Variants in ZNF704 observed in about 807,000 individuals in gnomAD.
ZNF704 encodes zinc finger protein 704.
Under a neutral mutation model 44.7 loss-of-function variants are expected in ZNF704, and 10 were observed. That is an observed-to-expected ratio of 0.22 (90% CI 0.14 to 0.38). The LOEUF is 0.38. Ranked by LOEUF, ZNF704 falls within the 10% of genes least tolerant of loss-of-function variation. ZNF704 has a pLI of 1.00. For synonymous variants in ZNF704, 211 were observed against 207.6 expected, an observed-to-expected ratio of 1.02 and a Z score of -0.14; for missense variants, 390 against 545.5, an observed-to-expected ratio of 0.71 and a Z score of 2.84.
intron 2 of ZNF704, among the ~76,000 whole-genome samples, chr8:80,808,872 T>C (rs1031370026): frequency 6.6e-6 from 1 of 152,224 alleles, no homozygotes; most frequent in Non-Finnish European, 1.5e-5. Flanking sequence ...AGTTTTCTGT[T>C]TTATTCAGTA....
chr8:80,688,980 A>AGTCTTCTGG (rs1225718740), intron 3 of ZNF704, among the ~76,000 whole-genome samples: 1 of 148,512 alleles, frequency 6.7e-6, no homozygotes, highest in Non-Finnish European at 1.5e-5. Context: ...AAAAAAAAAA[A>AGTCTTCTGG]GTCTTCTGGG....
chr8:80,879,700 T>G (rs1268938829), upstream of ZNF704, among the ~76,000 whole-genome samples: 2 of 152,346 alleles, frequency 1.3e-5, no homozygotes, highest in East Asian at 3.9e-4. Flanking sequence ...TCTTCAGTAA[T>G]AAGATGCCTA....
intron 2 of ZNF704, among the ~76,000 whole-genome samples, chr8:80,709,442 CAAAAAAAAAAAAAAAAA>C (rs780264820): frequency 0.012 from 194 of 15,888 alleles, 5 homozygotes; most frequent in Admixed American, 0.028. Flanking sequence ...GACTCCATCT[CAAAAAAAAAAAAAAAAA>C]AAAAAAAAAA....
At chr8:80,701,064 T>A (rs941566201) in intron 2 of ZNF704, among the ~76,000 whole-genome samples, 2 of 152,102 alleles carry the variant, frequency 1.3e-5, no homozygotes, top group Non-Finnish European at 2.9e-5. Context: ...AGCGGGGTTC[T>A]CCCTTTACCA....
chr8:80,724,365 CAA>C (rs995102228), intron 2 of ZNF704, among the ~76,000 whole-genome samples: 2 of 152,246 alleles, frequency 1.3e-5, no homozygotes, highest in Admixed American at 1.3e-4. Flanking sequence ...GTTAATAACT[CAA>C]AGTTTCTTCT....
chr8:80,815,508 A>G (rs1360960165), intron 2 of ZNF704, among the ~76,000 whole-genome samples: 2 of 152,258 alleles, frequency 1.3e-5, no homozygotes, highest in East Asian at 3.8e-4. Context: ...GTTATCTAAC[A>G]ATGCTTAACT....
rs190955915 is a variant in ZNF704, at chr8:80,690,422, C to T, written c.325+2582G>A. ...CCCTAGAATATGTCTTGGGGGTTTT[C>T]CAGGGTTTTAAAATTTTTTATTTTT... On this transcript the variant is annotated intron_variant, in intron 3 of 8. Coordinates refer to ENST00000327835, the MANE Select transcript of ZNF704 (RefSeq NM_001033723.3). Among the ~76,000 whole-genome samples the T allele has an allele frequency of 3.0e-4, 45 of 152,128 alleles. 1 individual carries two copies. The East Asian group carries it at 6.8e-3, about 23-fold the overall frequency.
At chr8:80,796,089 T>C (rs921307604) in intron 2 of ZNF704, among the ~76,000 whole-genome samples, 2 of 152,204 alleles carry the variant, frequency 1.3e-5, no homozygotes, top group Non-Finnish European at 2.9e-5. Flanking sequence ...GGTGTCTTAG[T>C]CCATATTCTG....
chr8:80,772,667 C>T (rs1807340609), intron 2 of ZNF704, among the ~76,000 whole-genome samples: 2 of 152,190 alleles, frequency 1.3e-5, no homozygotes, highest in Admixed American at 1.3e-4. Context: ...GAATACAATT[C>T]AGCATGCGAT....
intron 1 of ZNF704, among the ~76,000 whole-genome samples, chr8:80,833,206 TG>T (rs1808498573): frequency 6.6e-6 from 1 of 151,982 alleles, no homozygotes; most frequent in Non-Finnish European, 1.5e-5. Flanking sequence ...ACAAATTAGC[TG>T]GGCGTGGTGG....
chr8:80,844,829 T>TTTTATTTATTTATTTATTTA (rs60668049), intron 1 of ZNF704, among the ~76,000 whole-genome samples: 13 of 148,962 alleles, frequency 8.7e-5, no homozygotes, highest in African/African-American at 3.2e-4. Flanking sequence ...TTTCTTCTCT[T>TTTTATTTATTTATTTATTTA]TTTATTTATT....
intron 2 of ZNF704, among the ~76,000 whole-genome samples, chr8:80,797,287 G>A (rs1807822216): frequency 6.6e-6 from 1 of 152,090 alleles, no homozygotes; most frequent in Admixed American, 6.5e-5. Flanking sequence ...AGCTCCACTA[G>A]GCAATGCCCT....
intron 2 of ZNF704, among the ~76,000 whole-genome samples, chr8:80,818,415 C>CTA (rs1217795259): frequency 6.6e-6 from 1 of 152,046 alleles, no homozygotes; most frequent in Non-Finnish European, 1.5e-5. Flanking sequence ...CCAGGCCTCC[C>CTA]TATAGACACA....
intron 2 of ZNF704, among the ~76,000 whole-genome samples, chr8:80,748,229 A>G (rs1357860696): frequency 6.6e-6 from 1 of 152,076 alleles, no homozygotes; most frequent in Non-Finnish European, 1.5e-5. Flanking sequence ...GTATATAACC[A>G]GAACAAAATC....
chr8:80,691,282 C>T (rs1818630332), intron 3 of ZNF704, among the ~76,000 whole-genome samples: 1 of 152,158 alleles, frequency 6.6e-6, no homozygotes, highest in East Asian at 1.9e-4. Flanking sequence ...TTCATTGATC[C>T]TAAGTCTCAT....
intron 4 of ZNF704, among the ~76,000 whole-genome samples, chr8:80,678,384 C>T (rs928876651): frequency 6.6e-6 from 1 of 152,182 alleles, no homozygotes; most frequent in African/African-American, 2.4e-5. Flanking sequence ...TATCTCATCT[C>T]ACATTTATTA....
intron 2 of ZNF704, among the ~76,000 whole-genome samples, chr8:80,805,551 A>G: frequency 6.6e-6 from 1 of 152,224 alleles, no homozygotes; most frequent in East Asian, 1.9e-4. Context: ...AGGAATGAAC[A>G]TACAAAACTA....
chr8:80,859,666 C>A (rs1419555557), intron 1 of ZNF704, among the ~76,000 whole-genome samples: 1 of 152,082 alleles, frequency 6.6e-6, no homozygotes, highest in Admixed American at 6.5e-5. Context: ...CTTATTTTTA[C>A]ACCGTGTTCT....
intron 2 of ZNF704, among the ~76,000 whole-genome samples, chr8:80,726,080 A>C (rs1223280513): frequency 6.6e-6 from 1 of 152,148 alleles, no homozygotes; most frequent in African/African-American, 2.4e-5. Flanking sequence ...GTATGTTTAG[A>C]TACAGAGCAT....
Sources: allele counts gnomAD v4.1 joint callset (sites outside exome capture counted in the v4.1 genomes callset), GRCh38; gene constraint gnomAD v4.1.1; transcripts MANE v1.5; gene names NCBI Gene and HGNC (gene_info 2026-07-23, HGNC 2026-07-21).